Variants in NCK2 observed in about 807,000 individuals in gnomAD.
The protein encoded by NCK2 is cytoplasmic protein NCK2.
A neutral mutation model predicts 33.9 loss-of-function variants in NCK2; 16 were observed. The observed-to-expected ratio is 0.47, with a 90% confidence interval of 0.32 to 0.72. NCK2 has a LOEUF of 0.72. Among genes scored for constraint, NCK2 ranks in the 30% least tolerant of loss-of-function variants. The probability of loss-of-function intolerance (pLI) is 0.03; values close to 1 mark genes in which losing one functional copy is unlikely to be tolerated. For missense variants in NCK2, 418 were observed against 537.3 expected, an observed-to-expected ratio of 0.78 and a Z score of 2.19; for synonymous variants, 273 against 239.9, an observed-to-expected ratio of 1.14 and a Z score of -1.27.
At chr2:105,875,779 T>G (rs1678212628) in intron 3 of NCK2, among the ~76,000 whole-genome samples, 1 of 152,214 alleles carries the variant, frequency 6.6e-6, no homozygotes, top group Non-Finnish European at 1.5e-5. Context: ...TATAAGTCAG[T>G]TGGTTTACAG....
At chr2:105,860,993 G>A (rs1558874410) in intron 3 of NCK2, among the ~76,000 whole-genome samples, 3 of 151,958 alleles carry the variant, frequency 2.0e-5, no homozygotes, top group South Asian at 4.2e-4. Flanking sequence ...CGAAAGAAGG[G>A]ACTTGGGGCA....
chr2:105,797,293 T>A (rs1221125666), intron 1 of NCK2, among the ~76,000 whole-genome samples: 4 of 152,198 alleles, frequency 2.6e-5, no homozygotes, highest in Non-Finnish European at 5.9e-5. Flanking sequence ...CCTTGGCTGA[T>A]TTTTCTTTTC....
At chr2:105,816,974 A>C (rs1440832165) in intron 2 of NCK2, among the ~76,000 whole-genome samples, 3 of 152,142 alleles carry the variant, frequency 2.0e-5, no homozygotes, top group African/African-American at 7.2e-5. Context: ...CTTTCAGTCT[A>C]GGAAAAGTTG....
chr2:105,854,872 A>G, intron 2 of NCK2, 176 bp from the exon 3 acceptor site: 2 of 556,972 alleles, frequency 3.6e-6, no homozygotes, highest in Non-Finnish European at 6.5e-6. Flanking sequence ...TTTCTAAACC[A>G]AATACTAAAG....
intron 1 of NCK2, among the ~76,000 whole-genome samples, chr2:105,748,219 TCTC>T (rs1689352254): frequency 1.3e-5 from 2 of 152,154 alleles, no homozygotes; most frequent in Admixed American, 1.3e-4. Context: ...CTTGGCTCAG[TCTC>T]CTCCGTGTCC....
intron 1 of NCK2, among the ~76,000 whole-genome samples, chr2:105,765,837 CTG>C (rs984358965): frequency 4.8e-5 from 7 of 146,834 alleles, no homozygotes; most frequent in African/African-American, 1.8e-4. Context: ...GTGTGTAAGT[CTG>C]TGGAGGTATG....
chr2:105,847,992 T>C (rs1472617478), intron 2 of NCK2, among the ~76,000 whole-genome samples: 2 of 152,200 alleles, frequency 1.3e-5, no homozygotes, highest in African/African-American at 4.8e-5. Flanking sequence ...CCTTTGAGTG[T>C]TGGCACATCT....
intron 3 of NCK2, among the ~76,000 whole-genome samples, chr2:105,871,557 G>A (rs1414160475): frequency 2.0e-5 from 3 of 151,650 alleles, no homozygotes; most frequent in East Asian, 1.9e-4. Flanking sequence ...GTGCAGTGGC[G>A]CGATCTCGGC....
intron 1 of NCK2, among the ~76,000 whole-genome samples, chr2:105,774,846 A>G (rs905803041): frequency 2.0e-5 from 3 of 152,128 alleles, no homozygotes; most frequent in African/African-American, 7.2e-5. Flanking sequence ...TATGTGTTGA[A>G]AGAAATGTGG....
At chr2:105,791,296 A>T (rs1266605239) in intron 1 of NCK2, among the ~76,000 whole-genome samples, 1 of 152,218 alleles carries the variant, frequency 6.6e-6, no homozygotes, top group East Asian at 1.9e-4. Flanking sequence ...CACACTGATA[A>T]GAAACTGGTC....
intron 1 of NCK2, among the ~76,000 whole-genome samples, chr2:105,776,147 A>G (rs1227875337): frequency 6.6e-6 from 1 of 152,204 alleles, no homozygotes; most frequent in Non-Finnish European, 1.5e-5. Flanking sequence ...GACCTCCCCT[A>G]GGAATCTCAG....
At chr2:105,854,703 G>A in intron 2 of NCK2, 1 of 196,406 alleles carries the variant, frequency 5.1e-6, no homozygotes, top group South Asian at 9.3e-5. Flanking sequence ...GAAAATGAGT[G>A]TCAACCTAAC....
chr2:105,892,855 A>G, intron 4 of NCK2, 127 bp from the exon 5 acceptor site: 1 of 741,070 alleles, frequency 1.3e-6, no homozygotes, highest in Non-Finnish European at 2.1e-6. Flanking sequence ...CAAAAAAAAA[A>G]AAAAAAGCAG....
At chr2:105,828,046 C>T (rs1333794358) in intron 2 of NCK2, among the ~76,000 whole-genome samples, 1 of 152,172 alleles carries the variant, frequency 6.6e-6, no homozygotes, top group African/African-American at 2.4e-5. Flanking sequence ...CCACTCTGCA[C>T]ACCCTTTGGA....
chr2:105,811,771 A>C (rs566766293), intron 1 of NCK2, among the ~76,000 whole-genome samples: 1 of 152,250 alleles, frequency 6.6e-6, no homozygotes, highest in South Asian at 2.1e-4. Flanking sequence ...GTAAGCCCCT[A>C]ATAAAACCCT....
intron 3 of NCK2, among the ~76,000 whole-genome samples, chr2:105,877,870 C>T (rs535437423): frequency 1.3e-5 from 2 of 152,196 alleles, no homozygotes; most frequent in South Asian, 2.1e-4. Flanking sequence ...CTCCTGTAGC[C>T]TCAGTTTCCT....
chr2:105,768,838 C>T (rs898275941), intron 1 of NCK2, among the ~76,000 whole-genome samples: 7 of 152,178 alleles, frequency 4.6e-5, no homozygotes, highest in African/African-American at 4.8e-5. Context: ...ACACATGGGA[C>T]GAGGGGTGGG....
intron 1 of NCK2, among the ~76,000 whole-genome samples, chr2:105,754,417 G>A (rs921747304): frequency 2.0e-5 from 3 of 152,144 alleles, no homozygotes; most frequent in African/African-American, 7.2e-5. Context: ...TTTCCTTAAC[G>A]GTTATGTCTC....
chr2:105,808,526 A>C (rs1456580811), intron 1 of NCK2, among the ~76,000 whole-genome samples: 2 of 152,190 alleles, frequency 1.3e-5, no homozygotes, highest in East Asian at 1.9e-4. Flanking sequence ...TTGAGAAAGG[A>C]TCTTTCATCG....
Sources: allele counts gnomAD v4.1 joint callset (sites outside exome capture counted in the v4.1 genomes callset), GRCh38; gene constraint gnomAD v4.1.1; transcripts MANE v1.5; gene names NCBI Gene and HGNC (gene_info 2026-07-23, HGNC 2026-07-21).